Variants in CERS5 observed in about 807,000 individuals in gnomAD.
CERS5 encodes the protein ceramide synthase 5, also known as LAG1 homolog, ceramide synthase 5.
A neutral mutation model predicts 58.9 loss-of-function variants in CERS5; 37 were observed. That is an observed-to-expected ratio of 0.63 (90% CI 0.48 to 0.83). The LOEUF (loss-of-function observed/expected upper bound fraction) is 0.83, where lower values mean the gene tolerates loss of function less well. Among genes scored for constraint, CERS5 ranks in the 40% least tolerant of loss-of-function variants. The probability of loss-of-function intolerance (pLI) is 0.00; values close to 1 mark genes in which losing one functional copy is unlikely to be tolerated. For synonymous variants in CERS5, 147 were observed against 177.8 expected, an observed-to-expected ratio of 0.83 and a Z score of 1.38; for missense variants, 398 against 489.3, an observed-to-expected ratio of 0.81 and a Z score of 1.76.
rs56858635 is a variant in CERS5 at position 50,135,308 on chromosome 12, A to AGTGTGT, written c.872+418_872+423dup. On this transcript the variant is annotated intron_variant, in intron 8 of 9. Transcript: ENST00000317551. ...GGAGAGGGAGGAAGAGAGAGAGAGG[A>AGTGTGT]GTGTGTGTGTGTGTGTGTGTGTGTG... 5.9e-3 allele frequency: 994 copies of AGTGTGT among 168,958 alleles called. 10 individuals carry two copies. Among genetic ancestry groups the AGTGTGT allele is most frequent in the African/African-American group, 9.4e-3 (237 of 25,238 alleles). 10.5% of individuals were successfully genotyped at this position (168,958 alleles called of 1,614,324 possible).
intron 9 of CERS5, among the ~76,000 whole-genome samples, chr12:50,131,140 C>CAA (rs1951295340): frequency 6.6e-6 from 1 of 152,236 alleles, no homozygotes; most frequent in Non-Finnish European, 1.5e-5. Context: ...GCTTTATCCC[C>CAA]AAAGCTGATC....
At chr12:50,148,946 A>ATGTGTGTGTG (rs1185465965) in intron 1 of CERS5, among the ~76,000 whole-genome samples, 3 of 103,130 alleles carry the variant, frequency 2.9e-5, no homozygotes, top group African/African-American at 1.2e-4. Context: ...ATATATATAT[A>ATGTGTGTGTG]TGTGTGTGTG....
At chr12:50,131,417 G>A (rs1951310161) in intron 9 of CERS5, among the ~76,000 whole-genome samples, 1 of 151,910 alleles carries the variant, frequency 6.6e-6, no homozygotes, top group Non-Finnish European at 1.5e-5. Flanking sequence ...AAATTAGCCG[G>A]GTGTGGTGGC....
intron 3 of CERS5, among the ~76,000 whole-genome samples, chr12:50,142,737 T>C (rs754207948): frequency 6.6e-6 from 1 of 152,116 alleles, no homozygotes; most frequent in Admixed American, 6.6e-5. Flanking sequence ...TTCCTAAAAA[T>C]TGTCAACTTA....
intron 1 of CERS5, among the ~76,000 whole-genome samples, chr12:50,161,869 C>CT (rs765766688): frequency 0.3 from 20,362 of 67,650 alleles, 4,446 homozygotes; most frequent in Non-Finnish European, 0.37. Flanking sequence ...TGTTCTTCTT[C>CT]TTTTTTTTTT....
intron 4 of CERS5, among the ~76,000 whole-genome samples, 164 bp from the exon 5 acceptor site, chr12:50,138,781 CT>C (rs986527931): frequency 3.9e-5 from 6 of 152,174 alleles, no homozygotes; most frequent in African/African-American, 1.2e-4. Flanking sequence ...CTAGACTGTT[CT>C]TCTACAACAG....
chr12:50,138,005 G>GCT (rs1410841599), intron 5 of CERS5, among the ~76,000 whole-genome samples, 185 bp from the exon 6 acceptor site: 1 of 152,046 alleles, frequency 6.6e-6, no homozygotes, highest in Non-Finnish European at 1.5e-5. Flanking sequence ...CTCTTCCCTT[G>GCT]CTCCTCTGCA....
chr12:50,141,964 GA>G (rs1013619547), intron 4 of CERS5, 88 bp downstream of exon 4: 7 of 578,278 alleles, frequency 1.2e-5, no homozygotes, highest in Admixed American at 3.8e-5. Context: ...AAAAAGAAAA[GA>G]AAAAAATCTA....
At chr12:50,134,888 T>C (rs1031572799) in intron 8 of CERS5, 186 bp from the exon 9 acceptor site, 1 of 573,018 alleles carries the variant, frequency 1.7e-6, no homozygotes, top group East Asian at 3.0e-5. Context: ...TTTTCTATCC[T>C]TAGGGACAGA....
At chr12:50,150,066 A>G (rs1475708925) in intron 1 of CERS5, among the ~76,000 whole-genome samples, 3 of 152,230 alleles carry the variant, frequency 2.0e-5, no homozygotes, top group Non-Finnish European at 2.9e-5. Context: ...TTATGTGTGC[A>G]GCAATATTTC....
At chr12:50,143,348 T>C in intron 2 of CERS5, 144 bp from the exon 3 acceptor site, 1 of 933,564 alleles carries the variant, frequency 1.1e-6, no homozygotes, top group Non-Finnish European at 1.6e-6. Flanking sequence ...AAGTCATTTT[T>C]AGTAAGAAAT....
chr12:50,143,406 T>TGTA (rs77540479), intron 2 of CERS5: 5 of 490,004 alleles, frequency 1.0e-5, no homozygotes, highest in Non-Finnish European at 1.8e-5. Context: ...TACATATCCT[T>TGTA]TTGTCTCTTC....
intron 1 of CERS5, chr12:50,144,531 C>G: frequency 2.8e-6 from 1 of 358,654 alleles, no homozygotes; most frequent in Non-Finnish European, 5.0e-6. Context: ...ATCAAAAGAC[C>G]AAGATCTTAA....
Position 50,130,560 on chromosome 12 carries a change from G to A in CERS5, c.1164C>T (p.Tyr388=), listed in dbSNP as rs776921457. ...NRVNGHMGGS[Y]WAEE ...AGCAACCACCTTACTCTTCAGCCCA[G>A]TAGCTGCCTCCCATGTGACCATTCA... Residue 388 remains tyrosine, a synonymous_variant, in exon 10 of 10, where the codon TAC becomes TAT. Coordinates refer to ENST00000317551, the MANE Select transcript of CERS5 (RefSeq NM_147190.5). The A allele has an allele frequency of 8.1e-6, 13 of 1,608,064 alleles. No individual in the cohort carries two copies. Among genetic ancestry groups the A allele is most frequent in the Non-Finnish European group, 1.1e-5 (13 of 1,175,158 alleles).
At position 50,129,490 on chromosome 12, in the gene CERS5, AG is replaced by A. The variant is rs1369235663; in HGVS notation, c.*1054del. The A allele has an allele frequency of 6.7e-6, 1 of 149,006 alleles. No homozygotes were observed. Among genetic ancestry groups the A allele is most frequent in the Non-Finnish European group, 1.5e-5 (1 of 67,778 alleles). The allele number at this position is 149,006 out of a possible 1,614,324, so 9.2% of individuals were successfully genotyped here. A position where few individuals can be genotyped will look rare whatever the true frequency, so the allele number is the denominator to read the frequency against. On this transcript the variant is annotated 3_prime_UTR_variant, in exon 10 of 10. Coordinates refer to ENST00000317551, the MANE Select transcript of CERS5 (RefSeq NM_147190.5). ...CAATATAGCAAGTTGAGGAACTAAA[AG>A]TATGACCTAATTTTTTTTTTTTTTT...
intron 2 of CERS5, 60 bp from the exon 3 acceptor site, chr12:50,143,264 T>A: frequency 5.7e-6 from 9 of 1,590,516 alleles, no homozygotes; most frequent in Non-Finnish European, 7.7e-6. Context: ...TTCAATCCCA[T>A]TGACTAGCTG....
chr12:50,144,330 A>T (rs1185137827), intron 1 of CERS5: 1 of 342,438 alleles, frequency 2.9e-6, no homozygotes, highest in African/African-American at 2.1e-5. Context: ...GAGATGCATA[A>T]TCTTGAGCCC....
rs910098347 is a variant in CERS5, at chr12:50,129,488, A to AAAG, written c.*1054_*1056dup. 3.3e-5 allele frequency: 5 copies of AAAG among 150,406 alleles called. No homozygotes were observed. The highest frequency in any genetic ancestry group is 7.4e-5 in the Non-Finnish European group (5 of 67,894). The allele number at this position is 150,406 out of a possible 1,614,324, so 9.3% of individuals were successfully genotyped here. A position where few individuals can be genotyped will look rare whatever the true frequency, so the allele number is the denominator to read the frequency against. On this transcript the variant is annotated 3_prime_UTR_variant, in exon 10 of 10. Coordinates refer to ENST00000317551, the MANE Select transcript of CERS5 (RefSeq NM_147190.5). ...TTCAATATAGCAAGTTGAGGAACTAAAAGTATGACCTAATTTTTTTTTTTT... is the reference window on the plus strand; with the variant it reads ...TTCAATATAGCAAGTTGAGGAACTAAAAGAAGTATGACCTAATTTTTTTTTTTT...
chr12:50,138,914 C>T (rs1487790042), intron 4 of CERS5, among the ~76,000 whole-genome samples: 1 of 152,148 alleles, frequency 6.6e-6, no homozygotes, highest in African/African-American at 2.4e-5. Flanking sequence ...CATTTGATAA[C>T]CAAGAAAGAT....
Sources: allele counts gnomAD v4.1 joint callset (sites outside exome capture counted in the v4.1 genomes callset), GRCh38; gene constraint gnomAD v4.1.1; transcripts MANE v1.5; gene names NCBI Gene and HGNC (gene_info 2026-07-23, HGNC 2026-07-21).